The following WASHC2A variants were observed in gnomAD, a reference collection of about 807,000 sequenced individuals.
WASHC2A encodes the protein WASH complex subunit FAM21A.
Under a neutral mutation model 140.3 loss-of-function variants are expected in WASHC2A, and 82 were observed. The ratio of observed to expected loss-of-function variants is 0.58; its 90% CI spans 0.49 to 0.70. The LOEUF is 0.70. Ranked by LOEUF, WASHC2A falls within the 30% of genes least tolerant of loss-of-function variation. The pLI, the probability that WASHC2A is intolerant of heterozygous loss-of-function variation, is 0.00. For synonymous variants in WASHC2A, 340 were observed against 560.8 expected (o/e 0.61, Z 5.56); for missense variants, 985 against 1,521.8 (o/e 0.65, Z 5.87).
chr10:50,088,937 A>AATGCAAAC (rs2132520688), intron 8 of WASHC2A, among the ~76,000 whole-genome samples: 1 of 107,602 alleles, frequency 9.3e-6, no homozygotes, highest in East Asian at 2.3e-4. Flanking sequence ...AAGATCTGTA[A>AATGCAAAC]ATGCAAACAG....
chr10:50,131,070 A>T lies in WASHC2A; in HGVS notation c.3878A>T (p.Asp1293Val). ...GTGGAAGCCAAGTCTATATTTGATG[A>T]TGATATGGGTAAGTTTGGTTTTCTA... ...KKVEAKSIFD[D>V]DMDDIFSSGI... is the part of the protein sequence containing the mutation. The change falls in exon 30 of 31, where the codon GAT (aspartate) becomes GTT (valine). Residue 1293 changes from aspartate (D) to valine (V), a missense_variant. Coordinates refer to ENST00000282633, the MANE Select transcript of WASHC2A (RefSeq NM_001005751.3). 1 of 1,611,848 alleles carries T rather than the reference A, an allele frequency of 6.2e-7. No individual in the cohort carries two copies.
At chr10:50,109,346 G>C (rs1322226970) in intron 19 of WASHC2A, among the ~76,000 whole-genome samples, 1 of 152,166 alleles carries the variant, frequency 6.6e-6, no homozygotes, top group Non-Finnish European at 1.5e-5. Flanking sequence ...ATTGTGTCTT[G>C]TTCACATGTG....
intron 3 of WASHC2A, among the ~76,000 whole-genome samples, chr10:50,070,167 T>C (rs879983034): frequency 6.6e-6 from 1 of 152,242 alleles, no homozygotes; most frequent in Non-Finnish European, 1.5e-5. Flanking sequence ...TTATGATGGC[T>C]GAACTTACAA....
chr10:50,132,403 A>C (rs1287247029), intron 30 of WASHC2A, among the ~76,000 whole-genome samples: 1 of 152,262 alleles, frequency 6.6e-6, no homozygotes, highest in Admixed American at 6.5e-5. Context: ...TTCTGAAAGA[A>C]AACAGGTGGG....
In WASHC2A at chr10:50,095,713, ATGATGATGATGG is replaced by A; in HGVS notation, c.1367_1378del (p.Gly456_Asp459del). 1 of 1,601,204 alleles carries A rather than the reference ATGATGATGATGG, an allele frequency of 6.2e-7. No homozygotes were observed. The highest frequency in any genetic ancestry group is 8.5e-7 in the Non-Finnish European group (1 of 1,173,114). The stretch of plus-strand genomic sequence containing the variant: ...GGTCCCCCTCCCACTGGCCTCTTTG[ATGATGATGATGG>A]TGATGATGATGACGACTTTTTCTCG... On this transcript the variant is annotated inframe_deletion, in exon 15 of 31. Coordinates refer to ENST00000282633, the MANE Select transcript of WASHC2A (RefSeq NM_001005751.3).
Position 50,133,100 on chromosome 10 carries a change from T to C in WASHC2A, c.*155T>C. Reference sequence around the variant, plus strand: ...TGTACTTGGTATTTTTCTGCACTGGTTTAATCATGCTTAATACTACAAAAC... The same window carrying C: ...TGTACTTGGTATTTTTCTGCACTGGCTTAATCATGCTTAATACTACAAAAC... On this transcript the variant is annotated 3_prime_UTR_variant, in exon 31 of 31. Transcript: ENST00000282633. 3 of 1,391,706 alleles carry C rather than the reference T, an allele frequency of 2.2e-6. No homozygotes were observed. The highest frequency in any genetic ancestry group is 3.0e-6 in the Non-Finnish European group (3 of 1,016,854). The allele number at this position is 1,391,706 out of a possible 1,614,324, so 86.2% of individuals were successfully genotyped here.
chr10:50,078,932 T>C (rs1299041758), intron 4 of WASHC2A, among the ~76,000 whole-genome samples, 195 bp downstream of exon 4: 3 of 152,214 alleles, frequency 2.0e-5, no homozygotes, highest in African/African-American at 7.2e-5. Context: ...GATCAAATCC[T>C]TGAATTCTGA....
At chr10:50,094,774 C>T (rs1395285990) in intron 13 of WASHC2A, among the ~76,000 whole-genome samples, 1 of 150,926 alleles carries the variant, frequency 6.6e-6, no homozygotes, top group African/African-American at 2.4e-5. Flanking sequence ...GGTTCTTTTT[C>T]ACCCGTTCAT....
rs781834015 is a variant in WASHC2A, at chr10:50,068,036, G to T, written c.3+28G>T. 3 of 1,607,658 alleles carry T rather than the reference G, an allele frequency of 1.9e-6. No individual in the cohort carries two copies. In the Middle Eastern group the frequency reaches 6.8e-4, roughly 363 times the overall value. ...GAGGGCGCCGGGCAGGAGAGAGGCCGGCCTGGGCTGGGGCCGCCGTCCCTG... is the reference window on the plus strand; with the variant it reads ...GAGGGCGCCGGGCAGGAGAGAGGCCTGCCTGGGCTGGGGCCGCCGTCCCTG... On this transcript the variant is annotated intron_variant, in intron 1 of 30. Transcript: ENST00000282633.
intron 20 of WASHC2A, among the ~76,000 whole-genome samples, chr10:50,110,647 C>G (rs1363254400): frequency 2.0e-5 from 3 of 152,078 alleles, no homozygotes; most frequent in Admixed American, 6.5e-5. Context: ...AATCCCAGCA[C>G]TTTGGGAGGC....
At chr10:50,109,341 G>A (rs1333628705) in intron 19 of WASHC2A, among the ~76,000 whole-genome samples, 42,954 of 152,126 alleles carry the variant, frequency 0.28, 6,853 homozygotes, top group Middle Eastern at 0.41. Flanking sequence ...TTTTCATTGT[G>A]TCTTGTTCAC....
chr10:50,094,316 T>C lies in WASHC2A; in HGVS notation c.1180+399T>C, dbSNP rs1452141314. Among the ~76,000 whole-genome samples, 70 of 147,064 alleles carry C rather than the reference T, an allele frequency of 4.8e-4. 1 individual carries two copies. The highest frequency in any genetic ancestry group is 1.8e-3 in the African/African-American group (70 of 39,548). On this transcript the variant is annotated intron_variant, in intron 13 of 30. Transcript: ENST00000282633. ...ATCATCTGTGCAGGTTTTTTTGTTT[T>C]TTTGTTTTTTGTTTTTGTATTTTTA...
intron 17 of WASHC2A, among the ~76,000 whole-genome samples, chr10:50,102,375 C>T (rs1353487782): frequency 2.6e-5 from 4 of 152,176 alleles, no homozygotes; most frequent in African/African-American, 9.7e-5. Flanking sequence ...TCTTTTCTTG[C>T]AGTACCAAGA....
At chr10:50,103,849 T>C (rs1221853638) in intron 17 of WASHC2A, among the ~76,000 whole-genome samples, 193 bp from the exon 18 acceptor site, 1 of 152,092 alleles carries the variant, frequency 6.6e-6, no homozygotes, top group East Asian at 1.9e-4. Context: ...TCCTCCTTAG[T>C]GCCACTGCAC....
At chr10:50,103,244 A>C (rs1449920348) in intron 17 of WASHC2A, among the ~76,000 whole-genome samples, 3 of 151,036 alleles carry the variant, frequency 2.0e-5, no homozygotes, top group Non-Finnish European at 4.4e-5. Context: ...TTAAAAATAA[A>C]GTTTAATTTG....
chr10:50,082,556 C>T (rs1839005788), intron 5 of WASHC2A, among the ~76,000 whole-genome samples: 1 of 149,316 alleles, frequency 6.7e-6, no homozygotes, highest in African/African-American at 2.4e-5. Flanking sequence ...CGGCTCACTG[C>T]AGCTTCTGTC....
chr10:50,133,071 C>T lies in WASHC2A; in HGVS notation c.*126C>T. The stretch of plus-strand genomic sequence containing the variant: ...CTAGAACAGCTAGCTCATCGTTCAC[C>T]CAATGTACTTGGTATTTTTCTGCAC... On this transcript the variant is annotated 3_prime_UTR_variant, in exon 31 of 31. Coordinates refer to ENST00000282633, the MANE Select transcript of WASHC2A (RefSeq NM_001005751.3). 6.4e-7 allele frequency: 1 copy of T among 1,568,632 alleles called. No individual in the cohort carries two copies. Among genetic ancestry groups the T allele is most frequent in the East Asian group, 2.2e-5 (1 of 44,526 alleles).
intron 8 of WASHC2A, among the ~76,000 whole-genome samples, chr10:50,089,330 T>C (rs1205007169): frequency 6.7e-6 from 1 of 148,504 alleles, no homozygotes; most frequent in Non-Finnish European, 1.5e-5. Context: ...AACAGGTTGG[T>C]TTTGTGTGCT....
intron 3 of WASHC2A, among the ~76,000 whole-genome samples, chr10:50,072,481 CTTTTTTTTTTT>C (rs11440968): frequency 2.2e-5 from 2 of 90,602 alleles, no homozygotes; most frequent in East Asian, 8.7e-4. Flanking sequence ...AGTGATCTGG[CTTTTTTTTTTT>C]TTTTTTTTTT....
Sources: allele counts gnomAD v4.1 joint callset (sites outside exome capture counted in the v4.1 genomes callset), GRCh38; gene constraint gnomAD v4.1.1; transcripts MANE v1.5; gene names NCBI Gene and HGNC (gene_info 2026-07-23, HGNC 2026-07-21).